ERBB4: variants seen among roughly 807,000 people sequenced by gnomAD.
ERBB4 encodes erb-b2 receptor tyrosine kinase 4, also known as receptor tyrosine-protein kinase erbB-4.
Under a neutral mutation model 158.0 loss-of-function variants are expected in ERBB4, and 42 were observed. The ratio of observed to expected loss-of-function variants is 0.27; its 90% CI spans 0.21 to 0.34. The LOEUF (loss-of-function observed/expected upper bound fraction) is 0.34. Among genes scored for constraint, ERBB4 ranks in the 10% least tolerant of loss-of-function variants. The pLI is 1.00. For missense variants in ERBB4, 1,333 were observed against 1,624.1 expected (o/e 0.82, Z 3.08); for synonymous variants, 583 against 558.7 (o/e 1.04, Z -0.61).
intron 20 of ERBB4, among the ~76,000 whole-genome samples, chr2:211,545,885 T>C (rs933329638): frequency 5.9e-5 from 9 of 152,174 alleles, no homozygotes; most frequent in African/African-American, 1.9e-4. Context: ...TAATCTTTTG[T>C]TCACTTTGTG....
At chr2:211,606,731 G>A (rs1574847142) in intron 19 of ERBB4, among the ~76,000 whole-genome samples, 1 of 152,030 alleles carries the variant, frequency 6.6e-6, no homozygotes, top group South Asian at 2.1e-4. Context: ...AAAGAATATT[G>A]TATTTTGAAG....
rs542629583 is a variant in ERBB4, at chr2:211,727,509, T to C, written c.623-2315A>G. On this transcript the variant is annotated intron_variant, in intron 5 of 27. Coordinates refer to ENST00000342788, the MANE Select transcript of ERBB4 (RefSeq NM_005235.3). Reference sequence around the variant, plus strand: ...GGTAAATCATATATTGCCAACTCAATGGCAGTATCTCCTCAGGGCTTAATA... The same window carrying C: ...GGTAAATCATATATTGCCAACTCAACGGCAGTATCTCCTCAGGGCTTAATA... Among the ~76,000 whole-genome samples the C allele has an allele frequency of 2.8e-3, 433 of 152,092 alleles. 5 individuals carry two copies. Among genetic ancestry groups the C allele is most frequent in the African/African-American group, 9.8e-3 (406 of 41,514 alleles).
rs573860815 is a variant in ERBB4, at chr2:212,255,872, G to C, written c.83-130969C>G. On this transcript the variant is annotated intron_variant, in intron 1 of 27. Transcript: ENST00000342788. ...GTCTCCCTCTGTTGCCCAAGGTGGA[G>C]TGCAGTGGCATGATCATAGTTCACT... 2.0e-5 allele frequency among the ~76,000 whole-genome samples: 3 copies of C among 152,228 alleles called. No individual in the cohort carries two copies. The East Asian group carries it at 5.8e-4, about 29-fold the overall frequency.
At chr2:211,940,012 T>TAGATAGATAG (rs1559144566) in intron 3 of ERBB4, among the ~76,000 whole-genome samples, 7 of 147,872 alleles carry the variant, frequency 4.7e-5, no homozygotes, top group Admixed American at 2.8e-4. Flanking sequence ...TAGATAGAGA[T>TAGATAGATAG]AGATATAGAT....
At chr2:212,399,361 A>G (rs1475233527) in intron 1 of ERBB4, among the ~76,000 whole-genome samples, 1 of 151,804 alleles carries the variant, frequency 6.6e-6, no homozygotes, top group African/African-American at 2.4e-5. Flanking sequence ...AAATGGTTTA[A>G]TTATTATTGT....
chr2:211,420,448 G>C lies in ERBB4; in HGVS notation c.3128C>G (p.Ser1043Trp). The C allele has an allele frequency of 6.2e-7, 1 of 1,607,704 alleles. No individual in the cohort carries two copies. The highest frequency in any genetic ancestry group is 1.1e-5 in the South Asian group (1 of 90,894). Reference protein sequence around the residue: ...PIYTSRARIDSNRSEIGHSPP... With the variant: ...PIYTSRARIDWNRSEIGHSPP... ...TATATAATTATTTCTTACCCTATTC[G>C]AGTCAATTCTTGCTCTGGAAGTATA... Residue 1043 changes from serine to tryptophan, a missense_variant, in exon 25 of 28, where the codon TCG becomes TGG. Transcript: ENST00000342788.
intron 3 of ERBB4, among the ~76,000 whole-genome samples, chr2:211,813,749 A>C (rs932186847): frequency 6.6e-6 from 1 of 152,174 alleles, no homozygotes; most frequent in East Asian, 1.9e-4. Context: ...GCCTTTCAGA[A>C]ACCTTGCTAC....
chr2:211,795,990 A>G (rs978928043), intron 3 of ERBB4, among the ~76,000 whole-genome samples: 8 of 151,968 alleles, frequency 5.3e-5, no homozygotes, highest in African/African-American at 1.9e-4. Flanking sequence ...TTGTGACTTG[A>G]ACAAATGTAA....
At chr2:211,734,553 G>A (rs2074538253) in intron 5 of ERBB4, among the ~76,000 whole-genome samples, 1 of 147,294 alleles carries the variant, frequency 6.8e-6, no homozygotes, top group Non-Finnish European at 1.5e-5. Context: ...TAACCTAAAT[G>A]TCCACTAATG....
intron 19 of ERBB4, among the ~76,000 whole-genome samples, chr2:211,571,365 T>C (rs1324523625): frequency 6.6e-6 from 1 of 152,180 alleles, no homozygotes; most frequent in Non-Finnish European, 1.5e-5. Context: ...TTGCAAAGTT[T>C]TTGTGGTTTG....
intron 4 of ERBB4, among the ~76,000 whole-genome samples, chr2:211,773,301 T>C (rs1346565652): frequency 6.6e-6 from 1 of 151,590 alleles, no homozygotes; most frequent in Non-Finnish European, 1.5e-5. Flanking sequence ...TAATTAATAA[T>C]TATAAACTGT....
At chr2:211,592,840 TC>T (rs2068516570) in intron 19 of ERBB4, among the ~76,000 whole-genome samples, 1 of 151,998 alleles carries the variant, frequency 6.6e-6, no homozygotes, top group African/African-American at 2.4e-5. Flanking sequence ...TCAAACCCTG[TC>T]TCTACTAAAA....
At chr2:212,040,869 C>A (rs373558588) in intron 2 of ERBB4, among the ~76,000 whole-genome samples, 38 of 152,072 alleles carry the variant, frequency 2.5e-4, no homozygotes, top group African/African-American at 8.7e-4. Context: ...TAATTGCTTT[C>A]TTCTCTTCTG....
intron 1 of ERBB4, among the ~76,000 whole-genome samples, chr2:212,191,877 CAT>C (rs202128995): frequency 0.48 from 7,231 of 14,926 alleles, 698 homozygotes; most frequent in African/African-American, 0.53. Context: ...ATATATAATA[CAT>C]ATGTTACATG....
Position 212,440,691 on chromosome 2 carries a change from C to T in ERBB4, c.82+97758G>A, listed in dbSNP as rs76534235. On this transcript the variant is annotated intron_variant, in intron 1 of 27. Coordinates refer to ENST00000342788, the MANE Select transcript of ERBB4 (RefSeq NM_005235.3). The stretch of plus-strand genomic sequence containing the variant: ...AATCTCCTTCTAATCATATGGAGAA[C>T]ACTGATAGTACTTGACATGAACTGT... Among the ~76,000 whole-genome samples, 1,144 of 152,210 alleles carry T rather than the reference C, an allele frequency of 7.5e-3. 36 individuals are homozygous for T. In the East Asian group the frequency reaches 0.12, roughly 15 times the overall value.
At chr2:212,516,676 A>G (rs1691862966) in intron 1 of ERBB4, among the ~76,000 whole-genome samples, 1 of 152,114 alleles carries the variant, frequency 6.6e-6, no homozygotes, top group Admixed American at 6.6e-5. Context: ...TTATGTTTAA[A>G]ATCACCCAGA....
intron 2 of ERBB4, among the ~76,000 whole-genome samples, chr2:211,996,743 T>C (rs530317846): frequency 3.0e-4 from 45 of 152,318 alleles, no homozygotes; most frequent in African/African-American, 1.0e-3. Context: ...AAAGAATTCT[T>C]CACAAGTTTG....
intron 3 of ERBB4, among the ~76,000 whole-genome samples, chr2:211,866,110 G>A (rs1453035088): frequency 2.0e-5 from 3 of 152,218 alleles, no homozygotes; most frequent in Non-Finnish European, 4.4e-5. Context: ...AATTAACCTG[G>A]TGTGGTGGCA....
intron 1 of ERBB4, among the ~76,000 whole-genome samples, chr2:212,283,265 C>T (rs2085827621): frequency 6.6e-6 from 1 of 151,848 alleles, no homozygotes; most frequent in Non-Finnish European, 1.5e-5. Context: ...ATAACACTTG[C>T]CATTTAAAAA....
Sources: gnomAD v4.1 joint callset for allele counts (sites outside exome capture counted in the v4.1 genomes callset) on GRCh38, gnomAD v4.1.1 for gene constraint, MANE v1.5 for transcripts, NCBI Gene and HGNC (gene_info 2026-07-23, HGNC 2026-07-21) for gene names.